Variants in CAPZA1 observed in about 807,000 individuals in gnomAD.
CAPZA1 encodes capping actin protein of muscle Z-line subunit alpha 1.
CAPZA1 carries 10 observed loss-of-function variants against 40.8 expected under a neutral mutation model. That is an observed-to-expected ratio of 0.25 (90% CI 0.15 to 0.42). CAPZA1 has a LOEUF of 0.42. CAPZA1 is among the 10% of genes least tolerant of loss of function. The pLI is 1.00. For synonymous variants in CAPZA1, 98 were observed against 115.0 expected (o/e 0.85, Z 0.95); for missense variants, 277 against 353.8 (o/e 0.78, Z 1.74).
rs189899505 is a variant in CAPZA1, at chr1:112,670,310, C to G, written c.*178C>G. Reference sequence around the variant, plus strand: ...AGCGTTGTCTTGATTCTTTTGTGTTCTCTGCCTTGTAATTTTCTGTTACTG... The same window carrying G: ...AGCGTTGTCTTGATTCTTTTGTGTTGTCTGCCTTGTAATTTTCTGTTACTG... On this transcript the variant is annotated 3_prime_UTR_variant, in exon 10 of 10. Transcript: ENST00000263168. 7 of 515,176 alleles carry G rather than the reference C, an allele frequency of 1.4e-5. No homozygotes were observed. The East Asian group carries it at 2.5e-4, about 19-fold the overall frequency. The allele number at this position is 515,176 out of a possible 1,614,324, so 31.9% of individuals were successfully genotyped here. A position where few individuals can be genotyped will look rare whatever the true frequency, so the allele number is the denominator to read the frequency against.
chr1:112,625,620 A>G lies in CAPZA1; in HGVS notation c.39+5737A>G, dbSNP rs778642634. Among the ~76,000 whole-genome samples the G allele has an allele frequency of 9.8e-5, 15 of 152,342 alleles. No individual in the cohort carries two copies. The South Asian group carries it at 2.1e-3, about 21-fold the overall frequency. ...CTGGAAGGGATAAGCAGTGATTGAC[A>G]TAAGAAAGTAAAATAAATTCAGGTT... On this transcript the variant is annotated intron_variant, in intron 1 of 9. Transcript: ENST00000263168.
At chr1:112,634,775 G>C (rs1422259163) in intron 1 of CAPZA1, 1 of 152,162 alleles carries the variant, frequency 6.6e-6, no homozygotes, top group African/African-American at 2.4e-5. Flanking sequence ...TAAAAGAGCT[G>C]TAACAACTCC....
chr1:112,660,319 GC>G (rs1170369347), intron 7 of CAPZA1, among the ~76,000 whole-genome samples: 1 of 152,120 alleles, frequency 6.6e-6, no homozygotes, highest in African/African-American at 2.4e-5. Context: ...TGCTCTTATT[GC>G]CCAGGCTGGA....
At chr1:112,630,697 TCCTTGGCTCAAGCGGTCCTCCTG>T (rs1670904145) in intron 1 of CAPZA1, among the ~76,000 whole-genome samples, 1 of 152,116 alleles carries the variant, frequency 6.6e-6, no homozygotes, top group Non-Finnish European at 1.5e-5. Flanking sequence ...GGTCTGAAAC[TCCTTGGCTCAAGCGGTCCTCCTG>T]CCTTGGCCTC....
At chr1:112,663,962 G>A (rs1465390440) in intron 7 of CAPZA1, among the ~76,000 whole-genome samples, 8 of 151,960 alleles carry the variant, frequency 5.3e-5, no homozygotes, top group Admixed American at 4.6e-4. Context: ...TGCCGGGCAC[G>A]GTGGCTCACG....
chr1:112,638,578 A>C (rs1338067735), intron 1 of CAPZA1, among the ~76,000 whole-genome samples: 1 of 151,770 alleles, frequency 6.6e-6, no homozygotes, highest in Non-Finnish European at 1.5e-5. Context: ...GCCTTCCAAA[A>C]TGCTGGGATT....
chr1:112,624,155 G>A (rs1220266446), intron 1 of CAPZA1, among the ~76,000 whole-genome samples: 3 of 151,926 alleles, frequency 2.0e-5, no homozygotes, highest in Admixed American at 6.6e-5. Flanking sequence ...GTTTTATTAC[G>A]ACCAGGCTTA....
chr1:112,653,708 TC>T (rs1671445747), intron 4 of CAPZA1, 47 bp downstream of exon 4: 1 of 1,278,002 alleles, frequency 7.8e-7, no homozygotes. Flanking sequence ...ATAGTAGAGA[TC>T]CTATTAATGG....
At chr1:112,666,176 C>T (rs1037239953) in intron 7 of CAPZA1, among the ~76,000 whole-genome samples, 1 of 152,194 alleles carries the variant, frequency 6.6e-6, no homozygotes, top group Non-Finnish European at 1.5e-5. Flanking sequence ...AGCAATGTCT[C>T]CTGCCACACT....
At chr1:112,660,105 G>A (rs1488301853) in intron 7 of CAPZA1, among the ~76,000 whole-genome samples, 2 of 151,810 alleles carry the variant, frequency 1.3e-5, no homozygotes, top group Non-Finnish European at 2.9e-5. Context: ...TTGGGACAGA[G>A]TTTCACTCCA....
chr1:112,664,298 A>G (rs6682678), intron 7 of CAPZA1, among the ~76,000 whole-genome samples: 118,586 of 151,362 alleles, frequency 0.78, 46,677 homozygotes, highest in South Asian at 0.87. Context: ...GGTTCTTGTT[A>G]TCCAGGAAAG....
chr1:112,659,609 C>A, intron 6 of CAPZA1, 92 bp from the exon 7 acceptor site: 3 of 871,228 alleles, frequency 3.4e-6, no homozygotes, highest in South Asian at 3.3e-5. Context: ...TTTTTTTGCA[C>A]CCCTCTTTCC....
chr1:112,667,582 T>G (rs1671747806), intron 8 of CAPZA1, among the ~76,000 whole-genome samples: 2 of 152,058 alleles, frequency 1.3e-5, no homozygotes, highest in South Asian at 4.1e-4. Context: ...TAGGCTGGAG[T>G]GCAAGGAAGG....
intron 7 of CAPZA1, among the ~76,000 whole-genome samples, chr1:112,664,618 C>T (rs1172112356): frequency 6.6e-6 from 1 of 152,112 alleles, no homozygotes; most frequent in Non-Finnish European, 1.5e-5. Context: ...TCGTAGTCCT[C>T]ATCTCATAAG....
intron 1 of CAPZA1, among the ~76,000 whole-genome samples, chr1:112,640,620 G>A (rs769977985): frequency 6.6e-6 from 1 of 150,654 alleles, no homozygotes. Flanking sequence ...CCCCCGCCCG[G>A]CCAGCCGCCC....
chr1:112,669,900 C>A, intron 9 of CAPZA1, 92 bp from the exon 10 acceptor site: 1 of 1,392,490 alleles, frequency 7.2e-7, no homozygotes, highest in Non-Finnish European at 1.0e-6. Flanking sequence ...TCACAGGGGA[C>A]TCAAGCATAT....
chr1:112,648,435 G>T (rs1369153634), intron 2 of CAPZA1, among the ~76,000 whole-genome samples: 1 of 138,084 alleles, frequency 7.2e-6, no homozygotes, highest in Non-Finnish European at 1.5e-5. Context: ...TGGAACCCCT[G>T]CCTCCCAAGT....
intron 1 of CAPZA1, among the ~76,000 whole-genome samples, chr1:112,639,866 G>A (rs1671101212): frequency 7.2e-6 from 1 of 138,474 alleles, no homozygotes; most frequent in Admixed American, 7.5e-5. Flanking sequence ...GAGGGAGGTG[G>A]GGGGGTCAGC....
intron 7 of CAPZA1, among the ~76,000 whole-genome samples, chr1:112,663,801 G>A (rs2101188077): frequency 6.6e-6 from 1 of 152,264 alleles, no homozygotes; most frequent in South Asian, 2.1e-4. Context: ...CACCATGCCT[G>A]TTCTCAGTAG....
Sources: allele counts gnomAD v4.1 joint callset (sites outside exome capture counted in the v4.1 genomes callset), GRCh38; gene constraint gnomAD v4.1.1; transcripts MANE v1.5; gene names NCBI Gene and HGNC (gene_info 2026-07-23, HGNC 2026-07-21).